Variants in ADAMTS17 observed in about 807,000 individuals in gnomAD.
ADAMTS17 encodes ADAM metallopeptidase with thrombospondin type 1 motif 17, also known as A disintegrin and metalloproteinase with thrombospondin motifs 17.
In ADAMTS17, 113 loss-of-function variants were observed where a neutral mutation model predicts 141.5. That is an observed-to-expected ratio of 0.80 (90% CI 0.69 to 0.93). The LOEUF (loss-of-function observed/expected upper bound fraction) is 0.93. Ranked by LOEUF, ADAMTS17 falls within the 40% of genes least tolerant of loss-of-function variation. ADAMTS17 has a pLI of 0.00. For missense variants in ADAMTS17, 1,659 were observed against 1,517.9 expected, an observed-to-expected ratio of 1.09 and a Z score of -1.54; for synonymous variants, 768 against 630.6, an observed-to-expected ratio of 1.22 and a Z score of -3.27.
chr15:100,093,962 G>C (rs1203058065), intron 15 of ADAMTS17, among the ~76,000 whole-genome samples: 1 of 151,890 alleles, frequency 6.6e-6, no homozygotes, highest in Non-Finnish European at 1.5e-5. Flanking sequence ...TGTGCTGAAT[G>C]AAACTATACT....
intron 20 of ADAMTS17, among the ~76,000 whole-genome samples, chr15:99,989,232 G>C (rs551476523): frequency 6.6e-6 from 1 of 152,316 alleles, no homozygotes; most frequent in South Asian, 2.1e-4. Context: ...GAGGGGACCA[G>C]TGACATGACG....
chr15:100,107,105 T>C (rs2036456806), intron 14 of ADAMTS17, among the ~76,000 whole-genome samples: 1 of 152,204 alleles, frequency 6.6e-6, no homozygotes, highest in Non-Finnish European at 1.5e-5. Context: ...GATTTGGCCT[T>C]AGCAGGAAAA....
chr15:100,282,681 G>C (rs1295801969), intron 3 of ADAMTS17, among the ~76,000 whole-genome samples: 1 of 152,106 alleles, frequency 6.6e-6, no homozygotes. Flanking sequence ...ACTGTATTAT[G>C]AAATAATCTG....
chr15:100,016,722 C>A (rs2573675), intron 18 of ADAMTS17, among the ~76,000 whole-genome samples: 24,811 of 152,208 alleles, frequency 0.16, 5,606 homozygotes, highest in African/African-American at 0.51. Context: ...TGAACCATCT[C>A]TGGGTCTCTC....
In ADAMTS17 at chr15:100,054,082, T is replaced by G. The variant is rs770174414; in HGVS notation, c.2138-28A>C. The G allele has an allele frequency of 4.2e-5, 68 of 1,613,868 alleles. 1 individual carries two copies. The South Asian group carries it at 7.5e-4, about 18-fold the overall frequency. Reference sequence around the variant, plus strand: ...AGAAAGCAAGTTGAAGACCAAAGAATCAAGGGGCTGGGGGTAGGGGGATCC... The same window carrying G: ...AGAAAGCAAGTTGAAGACCAAAGAAGCAAGGGGCTGGGGGTAGGGGGATCC... On this transcript the variant is annotated intron_variant, in intron 15 of 21. Transcript: ENST00000268070.
chr15:100,339,442 T>C (rs577179856), intron 2 of ADAMTS17, among the ~76,000 whole-genome samples: 1 of 152,308 alleles, frequency 6.6e-6, no homozygotes, highest in East Asian at 1.9e-4. Flanking sequence ...TTAAACACTT[T>C]GGCAAAAACA....
At position 100,133,296 on chromosome 15, in the gene ADAMTS17, A is replaced by G; in HGVS notation, c.1493T>C (p.Leu498Pro). 6.3e-7 allele frequency: 1 copy of G among 1,591,196 alleles called. No homozygotes were observed. Among genetic ancestry groups the G allele is most frequent in the Non-Finnish European group, 8.6e-7 (1 of 1,166,534 alleles). ...TGTGTCTCCTTCTACCAGGCACCAC[A>G]GTCCAGCACACATTAGATGCTGCAG... ...RNMEHLMCAG[L>P]WCLVEGDTSC... The change falls in exon 11 of 22, where the codon CTG (leucine) becomes CCG (proline). Residue 498 changes from leucine (L) to proline (P), a missense_variant. Coordinates refer to ENST00000268070, the MANE Select transcript of ADAMTS17 (RefSeq NM_139057.4).
At chr15:100,067,488 C>T (rs1329185791) in intron 15 of ADAMTS17, among the ~76,000 whole-genome samples, 1 of 152,236 alleles carries the variant, frequency 6.6e-6, no homozygotes, top group African/African-American at 2.4e-5. Flanking sequence ...TTACCTTTAA[C>T]GTCTAAGAAC....
chr15:99,998,705 G>A (rs544978407), intron 18 of ADAMTS17, among the ~76,000 whole-genome samples: 15 of 152,358 alleles, frequency 9.8e-5, no homozygotes, highest in South Asian at 4.1e-4. Context: ...CTGGAAAGCA[G>A]CTGAGCAGCT....
chr15:100,106,680 C>T (rs577695845), intron 14 of ADAMTS17, among the ~76,000 whole-genome samples: 2 of 152,274 alleles, frequency 1.3e-5, no homozygotes, highest in East Asian at 3.9e-4. Context: ...GGGGATGGCT[C>T]GGCTGGTGCT....
intron 7 of ADAMTS17, among the ~76,000 whole-genome samples, chr15:100,251,072 T>C (rs1246324160): frequency 6.6e-6 from 1 of 151,990 alleles, no homozygotes; most frequent in Non-Finnish European, 1.5e-5. Context: ...ACCATATACG[T>C]TTAATTTTTT....
intron 6 of ADAMTS17, among the ~76,000 whole-genome samples, chr15:100,260,661 C>CT (rs2043486496): frequency 6.6e-6 from 1 of 151,826 alleles, no homozygotes; most frequent in African/African-American, 2.4e-5. Flanking sequence ...AACAAAAAAC[C>CT]TTTTTGTGGA....
rs566216613 is a variant in ADAMTS17 at position 99,971,712 on chromosome 15, C to G, written c.*2690G>C. Reference sequence around the variant, plus strand: ...CCTGCATTCTGATCCTATCCAGCAACGGTCAGCTGAGAGGGTTTAATTTTG... The same window carrying G: ...CCTGCATTCTGATCCTATCCAGCAAGGGTCAGCTGAGAGGGTTTAATTTTG... On this transcript the variant is annotated 3_prime_UTR_variant, in exon 22 of 22. Coordinates refer to ENST00000268070, the MANE Select transcript of ADAMTS17 (RefSeq NM_139057.4). 1 of 152,168 alleles carries G rather than the reference C, an allele frequency of 6.6e-6. No homozygotes were observed. Among genetic ancestry groups the G allele is most frequent in the Non-Finnish European group, 1.5e-5 (1 of 68,036 alleles). The allele number at this position is 152,168 out of a possible 1,614,324, so 9.4% of individuals were successfully genotyped here. A position where few individuals can be genotyped will look rare whatever the true frequency, so the allele number is the denominator to read the frequency against.
At chr15:100,008,791 T>C (rs759955518) in intron 18 of ADAMTS17, among the ~76,000 whole-genome samples, 49 of 152,200 alleles carry the variant, frequency 3.2e-4, no homozygotes, top group Non-Finnish European at 5.9e-4. Context: ...GGGTCAGCCC[T>C]GTGACTCTAA....
intron 15 of ADAMTS17, among the ~76,000 whole-genome samples, chr15:100,071,688 G>A (rs184997346): frequency 6.7e-6 from 1 of 150,246 alleles, no homozygotes; most frequent in East Asian, 1.9e-4. Flanking sequence ...TGCAGAAAAG[G>A]CCTTTGACAA....
intron 4 of ADAMTS17, among the ~76,000 whole-genome samples, chr15:100,267,311 T>C (rs2043749631): frequency 6.6e-6 from 1 of 152,112 alleles, no homozygotes; most frequent in Admixed American, 6.5e-5. Context: ...GGAATTTCCT[T>C]CCTTTTTAAG....
chr15:100,319,125 C>T (rs1001551318), intron 3 of ADAMTS17, among the ~76,000 whole-genome samples: 1 of 152,236 alleles, frequency 6.6e-6, no homozygotes, highest in Non-Finnish European at 1.5e-5. Context: ...TTCCATAATG[C>T]AGGGCATAGG....
chr15:99,982,298 C>A (rs987311543), intron 20 of ADAMTS17, among the ~76,000 whole-genome samples: 3 of 152,212 alleles, frequency 2.0e-5, no homozygotes, highest in Admixed American at 1.3e-4. Context: ...CCTTAGCACT[C>A]CTTGGGCTGC....
At chr15:100,148,682 T>C (rs1215333601) in intron 10 of ADAMTS17, among the ~76,000 whole-genome samples, 1 of 152,174 alleles carries the variant, frequency 6.6e-6, no homozygotes, top group Non-Finnish European at 1.5e-5. Flanking sequence ...TTCAAACAAT[T>C]TCATTATATT....
Sources: allele counts gnomAD v4.1 joint callset (sites outside exome capture counted in the v4.1 genomes callset), GRCh38; gene constraint gnomAD v4.1.1; transcripts MANE v1.5; gene names NCBI Gene and HGNC (gene_info 2026-07-23, HGNC 2026-07-21).